The following LRP1B variants were observed in gnomAD, a reference collection of about 807,000 sequenced individuals.
LRP1B encodes LDL receptor related protein 1B.
LRP1B carries 217 observed loss-of-function variants against 556.6 expected under a neutral mutation model. The observed-to-expected ratio is 0.39, with a 90% CI of 0.35 to 0.44. The LOEUF (loss-of-function observed/expected upper bound fraction) is 0.44, where lower values mean the gene tolerates loss of function less well. Ranked by LOEUF, LRP1B falls within the 20% of genes least tolerant of loss-of-function variation. The pLI, the probability that LRP1B is intolerant of heterozygous loss-of-function variation, is 1.00. For missense variants in LRP1B, 5,053 were observed against 5,620.8 expected, an observed-to-expected ratio of 0.90 and a Z score of 3.23; for synonymous variants, 2,047 against 1,865.8, an observed-to-expected ratio of 1.10 and a Z score of -2.50.
intron 6 of LRP1B, among the ~76,000 whole-genome samples, chr2:141,207,476 G>A (rs1426142133): frequency 6.6e-6 from 1 of 152,090 alleles, no homozygotes; most frequent in Non-Finnish European, 1.5e-5. Flanking sequence ...ATTCTATCAA[G>A]TCACAATGGA....
chr2:140,378,376 GA>G (rs551485272), intron 67 of LRP1B, 90 bp from the exon 68 acceptor site: 9,321 of 630,094 alleles, frequency 0.015, 95 homozygotes, highest in Non-Finnish European at 0.018. Context: ...TAGCATTAAA[GA>G]AAAAAAAAGA....
intron 2 of LRP1B, among the ~76,000 whole-genome samples, chr2:141,518,951 A>G (rs2105169102): frequency 6.6e-6 from 1 of 152,136 alleles, no homozygotes; most frequent in Non-Finnish European, 1.5e-5. Context: ...ACTCCTTCTC[A>G]AAAAAATAAA....
intron 1 of LRP1B, among the ~76,000 whole-genome samples, chr2:141,860,003 A>T (rs948496389): frequency 6.6e-6 from 1 of 152,150 alleles, no homozygotes; most frequent in Admixed American, 6.5e-5. Flanking sequence ...GTTCATTTTC[A>T]TAAAAAACAA....
chr2:141,775,222 A>C (rs900899209), intron 2 of LRP1B, among the ~76,000 whole-genome samples: 1 of 152,226 alleles, frequency 6.6e-6, no homozygotes, highest in South Asian at 2.1e-4. Context: ...TCTTGGAGCT[A>C]TTTCACAGCT....
At chr2:141,527,151 A>G (rs1451095324) in intron 2 of LRP1B, among the ~76,000 whole-genome samples, 1 of 151,998 alleles carries the variant, frequency 6.6e-6, no homozygotes, top group Non-Finnish European at 1.5e-5. Flanking sequence ...TTTAGTTTTT[A>G]GGCAGAAGCT....
At chr2:142,114,734 G>C (rs370516376) in intron 1 of LRP1B, among the ~76,000 whole-genome samples, 1 of 152,094 alleles carries the variant, frequency 6.6e-6, no homozygotes. Context: ...TAGAGCAATA[G>C]ATACTGAAGC....
At chr2:141,385,520 T>C (rs1208773411) in intron 3 of LRP1B, among the ~76,000 whole-genome samples, 1 of 152,050 alleles carries the variant, frequency 6.6e-6, no homozygotes, top group Non-Finnish European at 1.5e-5. Flanking sequence ...AAATATGTAA[T>C]GGGTTTATTG....
intron 2 of LRP1B, among the ~76,000 whole-genome samples, chr2:141,788,762 C>A (rs971686537): frequency 1.5e-5 from 2 of 134,992 alleles, no homozygotes; most frequent in Non-Finnish European, 3.1e-5. Context: ...CTGTTCAATT[C>A]CCACCTATGA....
chr2:140,754,525 A>ATGGAAATTCATAAATGTGG (rs1286506987), intron 35 of LRP1B, among the ~76,000 whole-genome samples: 4 of 152,202 alleles, frequency 2.6e-5, no homozygotes, highest in Non-Finnish European at 5.9e-5. Context: ...ACAACAAAGC[A>ATGGAAATTCATAAATGTGG]TGGAAATTCA....
chr2:141,206,952 C>T (rs1298431314), intron 6 of LRP1B, among the ~76,000 whole-genome samples: 6 of 152,190 alleles, frequency 3.9e-5, no homozygotes, highest in African/African-American at 1.4e-4. Context: ...GGCATGGCTT[C>T]AGCACAAGCC....
intron 41 of LRP1B, among the ~76,000 whole-genome samples, chr2:140,671,488 T>A (rs1435046986): frequency 6.6e-6 from 1 of 152,104 alleles, no homozygotes; most frequent in Admixed American, 6.5e-5. Flanking sequence ...GCCATTGCAG[T>A]CTAACCTGGG....
intron 1 of LRP1B, among the ~76,000 whole-genome samples, chr2:141,859,521 A>G (rs932120252): frequency 6.6e-6 from 1 of 152,192 alleles, no homozygotes; most frequent in Admixed American, 6.5e-5. Context: ...ATAGTTTGCC[A>G]TGTTAATTTA....
At chr2:141,976,489 G>T (rs1701890542) in intron 1 of LRP1B, among the ~76,000 whole-genome samples, 1 of 152,064 alleles carries the variant, frequency 6.6e-6, no homozygotes. Context: ...AATCTAGGAG[G>T]ATCTCTCTGC....
At chr2:141,387,120 C>A (rs6749878) in intron 3 of LRP1B, among the ~76,000 whole-genome samples, 6 of 151,814 alleles carry the variant, frequency 4.0e-5, no homozygotes, top group Non-Finnish European at 8.8e-5. Context: ...GAAGAAATCA[C>A]AAGGGAAATT....
At chr2:141,423,290 C>CTTT (rs1176569388) in intron 3 of LRP1B, among the ~76,000 whole-genome samples, 2 of 68,374 alleles carry the variant, frequency 2.9e-5, no homozygotes, top group African/African-American at 5.2e-5. Flanking sequence ...ACAGCCAGAG[C>CTTT]TTTTTTTTTT....
chr2:140,484,617 CA>C (rs1224388862), intron 59 of LRP1B, among the ~76,000 whole-genome samples: 1 of 152,040 alleles, frequency 6.6e-6, no homozygotes, highest in Non-Finnish European at 1.5e-5. Context: ...AATTACAGTG[CA>C]AAAAGTTAAA....
chr2:141,901,628 A>G (rs1047388920), intron 1 of LRP1B, among the ~76,000 whole-genome samples: 1 of 151,894 alleles, frequency 6.6e-6, no homozygotes, highest in South Asian at 2.1e-4. Flanking sequence ...ATGAAGTCTC[A>G]ACACTTCAAG....
chr2:141,647,975 A>G (rs1689642277), intron 2 of LRP1B, among the ~76,000 whole-genome samples: 1 of 152,142 alleles, frequency 6.6e-6, no homozygotes, highest in Non-Finnish European at 1.5e-5. Context: ...TATTAAACAA[A>G]TGATTAAAAA....
chr2:141,391,228 A>C (rs1690038637), intron 3 of LRP1B, among the ~76,000 whole-genome samples: 2 of 152,184 alleles, frequency 1.3e-5, no homozygotes, highest in Admixed American at 1.3e-4. Flanking sequence ...GATTTTAGTG[A>C]CTGTCTTGGT....
Sources: gnomAD v4.1 joint callset for allele counts (sites outside exome capture counted in the v4.1 genomes callset) on GRCh38, gnomAD v4.1.1 for gene constraint, MANE v1.5 for transcripts, NCBI Gene and HGNC (gene_info 2026-07-23, HGNC 2026-07-21) for gene names.